PABPC1: variants seen among roughly 807,000 people sequenced by gnomAD.
PABPC1 encodes poly(A) binding protein cytoplasmic 1.
Under a neutral mutation model 74.0 loss-of-function variants are expected in PABPC1, and 4 were observed. That is an observed-to-expected ratio of 0.05 (90% CI 0.03 to 0.12). PABPC1 has a LOEUF of 0.12. Among genes scored for constraint, PABPC1 ranks in the 10% least tolerant of loss-of-function variants. The pLI, the probability that PABPC1 is intolerant of heterozygous loss-of-function variation, is 1.00. For synonymous variants in PABPC1, 227 were observed against 264.1 expected (o/e 0.86, Z 1.36); for missense variants, 271 against 821.1 (o/e 0.33, Z 8.19).
intron 9 of PABPC1, 51 bp downstream of exon 9, chr8:100,709,082 G>A (rs1810461093): frequency 2.3e-6 from 3 of 1,322,184 alleles, no homozygotes; most frequent in Non-Finnish European, 3.3e-6. Context: ...TTTACCCAAT[G>A]TGTTATTTTT....
chr8:100,709,070 G>C (rs931082985), intron 9 of PABPC1, 63 bp downstream of exon 9: 2 of 1,230,968 alleles, frequency 1.6e-6, no homozygotes, highest in Admixed American at 1.7e-5. Context: ...TAGAAGAGCT[G>C]ATTTACCCAA....
chr8:100,721,603 G>A lies in PABPC1; in HGVS notation c.-20C>T, dbSNP rs181020675. ...GTTCATCTCGGCACGGCTGCCCGCA[G>A]GGCCACAGGCCGCGACCTTTCCGTG... On this transcript the variant is annotated 5_prime_UTR_variant, in exon 1 of 15. Coordinates refer to ENST00000318607, the MANE Select transcript of PABPC1 (RefSeq NM_002568.4). This position sits in a 1 kb window ranked among gnomAD's most constrained non-coding sequence, Gnocchi z 7.4. 1,478 of 1,515,796 alleles carry A rather than the reference G, an allele frequency of 9.8e-4. 14 individuals are homozygous for A. In the South Asian group the frequency reaches 0.012, roughly 12 times the overall value. 93.9% of individuals were successfully genotyped at this position (1,515,796 alleles called of 1,614,324 possible). A position where few individuals can be genotyped will look rare whatever the true frequency, so the allele number is the denominator to read the frequency against.
intron 4 of PABPC1, among the ~76,000 whole-genome samples, chr8:100,714,626 G>A (rs1252643487): frequency 6.6e-6 from 1 of 152,088 alleles, no homozygotes; most frequent in African/African-American, 2.4e-5. Flanking sequence ...AGCTACTCAA[G>A]GTAGAGATAG....
Position 100,715,619 on chromosome 8 carries a change from G to A in PABPC1, c.504-18C>T. ...CAACAAATCTAATAAGATATACAAG[G>A]ACTATAACATTAGATTCTATTTTAT... is the stretch of plus-strand genomic sequence containing the variant. On this transcript the variant is annotated intron_variant, in intron 3 of 14. Transcript: ENST00000318607. 5 of 1,565,756 alleles carry A rather than the reference G, an allele frequency of 3.2e-6. No homozygotes were observed. The South Asian group carries it at 4.6e-5, about 14-fold the overall frequency.
intron 14 of PABPC1, 47 bp downstream of exon 14, chr8:100,704,250 G>T: frequency 7.2e-7 from 1 of 1,386,270 alleles, no homozygotes; most frequent in Non-Finnish European, 1.0e-6. Flanking sequence ...CTTTATAAAA[G>T]ATGAAGAAAA....
chr8:100,718,963 G>A lies in PABPC1; in HGVS notation c.194-683C>T, dbSNP rs193117270. On this transcript the variant is annotated intron_variant, in intron 1 of 14. Transcript: ENST00000318607. ...AATCACAGAATTTTAAAAACACCAG[G>A]TCTGCAATATTCAGAAATCACCATT... Among the ~76,000 whole-genome samples, 243 of 152,212 alleles carry A rather than the reference G, an allele frequency of 1.6e-3. 1 individual carries two copies. The highest frequency in any genetic ancestry group is 5.2e-3 in the African/African-American group (218 of 41,530).
chr8:100,704,192 C>A, intron 14 of PABPC1, 105 bp downstream of exon 14: 1 of 823,342 alleles, frequency 1.2e-6, no homozygotes, highest in Non-Finnish European at 2.0e-6. Context: ...TTTAAATGAA[C>A]TGTAAAATGA....
At chr8:100,704,229 T>C (rs1480888004) in intron 14 of PABPC1, 68 bp downstream of exon 14, 3 of 1,198,622 alleles carry the variant, frequency 2.5e-6, no homozygotes, top group Non-Finnish European at 3.7e-6. Context: ...TTTCAAAATA[T>C]GCTCAACAAA....
chr8:100,712,342 T>C lies in PABPC1; in HGVS notation c.972+20A>G. 1.4e-6 allele frequency: 2 copies of C among 1,410,768 alleles called. No individual in the cohort carries two copies. Among genetic ancestry groups the C allele is most frequent in the Non-Finnish European group, 2.0e-6 (2 of 1,019,260 alleles). The allele number at this position is 1,410,768 out of a possible 1,614,324, so 87.4% of individuals were successfully genotyped here. Reference sequence around the variant, plus strand: ...GAATTTTTACTAGACCTCAAATAAATGAACCATATGTTTTCTTACCTTTGC... The same window carrying C: ...GAATTTTTACTAGACCTCAAATAAACGAACCATATGTTTTCTTACCTTTGC... On this transcript the variant is annotated intron_variant, in intron 7 of 14. Coordinates refer to ENST00000318607, the MANE Select transcript of PABPC1 (RefSeq NM_002568.4).
intron 11 of PABPC1, 142 bp from the exon 12 acceptor site, chr8:100,705,815 G>A: frequency 1.5e-6 from 1 of 651,902 alleles, no homozygotes; most frequent in Non-Finnish European, 2.8e-6. Flanking sequence ...TTAGAAAGAA[G>A]CCAAAGTAGT....
In PABPC1 at chr8:100,721,318, ACC is replaced by A. The variant is rs999462624; in HGVS notation, c.193+71_193+72del. Reference sequence around the variant, plus strand: ...CCCCCCTCCCCGGGCCCGCCGGCCTACCCCGCCCGCCGCCGCCGCCCGAGCCT... The same window carrying A: ...CCCCCCTCCCCGGGCCCGCCGGCCTACCGCCCGCCGCCGCCGCCCGAGCCT... On this transcript the variant is annotated intron_variant, in intron 1 of 14. Transcript: ENST00000318607. This position sits in a 1 kb window ranked among gnomAD's most constrained non-coding sequence, Gnocchi z 7.4. 1.3e-6 allele frequency: 1 copy of A among 763,084 alleles called. No homozygotes were observed. Among genetic ancestry groups the A allele is most frequent in the African/African-American group, 2.0e-5 (1 of 50,786 alleles). The allele number at this position is 763,084 out of a possible 1,614,324, so 47.3% of individuals were successfully genotyped here. A position where few individuals can be genotyped will look rare whatever the true frequency, so the allele number is the denominator to read the frequency against.
At chr8:100,714,995 G>C (rs142091008) in intron 4 of PABPC1, among the ~76,000 whole-genome samples, 1 of 152,110 alleles carries the variant, frequency 6.6e-6, no homozygotes, top group Non-Finnish European at 1.5e-5. Context: ...ATCGCTGAAA[G>C]TCATTGTTTT....
At chr8:100,711,812 C>A (rs1350118318) in intron 7 of PABPC1, among the ~76,000 whole-genome samples, 1 of 152,216 alleles carries the variant, frequency 6.6e-6, no homozygotes, top group South Asian at 2.1e-4. Flanking sequence ...CTTCCCCAAC[C>A]CCAGCAAAAT....
intron 1 of PABPC1, 127 bp from the exon 2 acceptor site, chr8:100,718,407 G>T: frequency 1.4e-6 from 1 of 702,562 alleles, no homozygotes; most frequent in Non-Finnish European, 2.3e-6. Context: ...TCCTCTTTAA[G>T]CTTCAAGATG....
At chr8:100,704,438 TAAAG>T (rs1563608371) in intron 13 of PABPC1, 48 bp from the exon 14 acceptor site, 2 of 1,448,662 alleles carry the variant, frequency 1.4e-6, no homozygotes, top group East Asian at 2.3e-5. Flanking sequence ...GGAATGGAAA[TAAAG>T]AGTTTCATAA....
chr8:100,714,910 C>G (rs532392464), intron 4 of PABPC1, among the ~76,000 whole-genome samples: 2 of 152,198 alleles, frequency 1.3e-5, no homozygotes, highest in South Asian at 4.1e-4. Flanking sequence ...TCATCAATTT[C>G]AAGTTTTATG....
chr8:100,713,705 C>T (rs748407436), intron 4 of PABPC1, among the ~76,000 whole-genome samples: 1 of 152,138 alleles, frequency 6.6e-6, no homozygotes, highest in Non-Finnish European at 1.5e-5. Flanking sequence ...CCGGGCTAGT[C>T]TAAAACTTGT....
chr8:100,712,656 T>C lies in PABPC1; in HGVS notation c.872A>G (p.Tyr291Cys). Residue 291 changes from tyrosine (Y) to cysteine (C), a missense_variant, in exon 6 of 15, where the codon TAC (tyrosine) becomes TGC (cysteine). By Grantham distance (194) the Tyr-to-Cys change is radical. Transcript: ENST00000318607. Reference protein sequence around the residue: ...EQMKQDRITRYQGVNLYVKNL... With the variant: ...EQMKQDRITRCQGVNLYVKNL... ...GTTGTTCAATTAAAAATGAACCTGG[T>C]ATCTGGTGATCCTATCTTGTTTCAT... The C allele has an allele frequency of 6.2e-7, 1 of 1,601,538 alleles. No individual in the cohort carries two copies. The highest frequency in any genetic ancestry group is 8.5e-7 in the Non-Finnish European group (1 of 1,176,876).
At chr8:100,717,671 T>A (rs1810707413) in intron 3 of PABPC1, 102 bp downstream of exon 3, 2 of 685,966 alleles carry the variant, frequency 2.9e-6, no homozygotes, top group Non-Finnish European at 5.0e-6. Context: ...TTATCTTATG[T>A]GCATCTAACT....
Sources: allele counts gnomAD v4.1 joint callset (sites outside exome capture counted in the v4.1 genomes callset), GRCh38; gene constraint gnomAD v4.1.1; non-coding constraint Gnocchi (gnomAD v3.1); transcripts MANE v1.5; gene names NCBI Gene and HGNC (gene_info 2026-07-23, HGNC 2026-07-21).